Variants in CTNNA2 observed in about 807,000 individuals in gnomAD.
CTNNA2 encodes catenin alpha-2.
In CTNNA2, 42 loss-of-function variants were observed where a neutral mutation model predicts 101.0. The ratio of observed to expected loss-of-function variants is 0.42; its 90% CI spans 0.32 to 0.54. The LOEUF (loss-of-function observed/expected upper bound fraction) is 0.54, where lower values mean the gene tolerates loss of function less well. Among genes scored for constraint, CTNNA2 ranks in the 20% least tolerant of loss-of-function variants. The pLI, the probability that CTNNA2 is intolerant of heterozygous loss-of-function variation, is 0.14. For missense variants in CTNNA2, 871 were observed against 1,223.1 expected, an observed-to-expected ratio of 0.71 and a Z score of 4.29; for synonymous variants, 450 against 456.4, an observed-to-expected ratio of 0.99 and a Z score of 0.18.
At chr2:79,745,155 G>T (rs1344758845) in intron 3 of CTNNA2, among the ~76,000 whole-genome samples, 2 of 152,154 alleles carry the variant, frequency 1.3e-5, no homozygotes, top group Non-Finnish European at 2.9e-5. Context: ...CTACGGCCGG[G>T]TGCGGTGGCT....
intron 7 of CTNNA2, among the ~76,000 whole-genome samples, chr2:80,368,734 G>A (rs187514445): frequency 1.1e-4 from 17 of 150,386 alleles, no homozygotes; most frequent in African/African-American, 3.7e-4. Flanking sequence ...ACTGTTTTTA[G>A]CAGCCTGTTT....
At chr2:79,920,140 C>G (rs1191204892) in intron 7 of CTNNA2, among the ~76,000 whole-genome samples, 1 of 152,086 alleles carries the variant, frequency 6.6e-6, no homozygotes, top group Non-Finnish European at 1.5e-5. Context: ...TTGCTTGAAC[C>G]CAGGAGGCAG....
chr2:80,496,099 C>CAAGAAAGG (rs1318094987), intron 9 of CTNNA2, among the ~76,000 whole-genome samples: 2 of 152,006 alleles, frequency 1.3e-5, no homozygotes, highest in Admixed American at 1.3e-4. Context: ...ACAGAAGAGG[C>CAAGAAAGG]AAGAAAGGAC....
intron 7 of CTNNA2, among the ~76,000 whole-genome samples, chr2:80,324,046 A>G (rs1678990846): frequency 2.0e-5 from 3 of 152,338 alleles, no homozygotes; most frequent in East Asian, 1.9e-4. Flanking sequence ...AAGAGAGAAA[A>G]AAACAAATAA....
At chr2:79,787,720 C>CT (rs979082187) in intron 3 of CTNNA2, among the ~76,000 whole-genome samples, 2 of 151,820 alleles carry the variant, frequency 1.3e-5, no homozygotes, top group Non-Finnish European at 1.5e-5. Context: ...TTCGTGGCCC[C>CT]TTTTTTGCAA....
At chr2:79,338,615 T>TCTTCTTCTC (rs1202526239) in intron 3 of CTNNA2, among the ~76,000 whole-genome samples, 9 of 149,530 alleles carry the variant, frequency 6.0e-5, no homozygotes, top group African/African-American at 2.2e-4. Context: ...TTCTTCTTCT[T>TCTTCTTCTC]CTTCTTCTTC....
chr2:80,559,972 G>A (rs2149670990), intron 12 of CTNNA2, among the ~76,000 whole-genome samples: 1 of 147,520 alleles, frequency 6.8e-6, no homozygotes, highest in African/African-American at 2.5e-5. Flanking sequence ...GCTGACTCAA[G>A]TTTGTGGCCA....
intron 7 of CTNNA2, among the ~76,000 whole-genome samples, chr2:80,293,183 G>C (rs1282745486): frequency 2.0e-5 from 3 of 152,190 alleles, no homozygotes; most frequent in African/African-American, 7.2e-5. Flanking sequence ...TGACAGAATT[G>C]CCTTGGCCAG....
chr2:79,279,183 C>T (rs764273772), intron 2 of CTNNA2, among the ~76,000 whole-genome samples: 7 of 152,008 alleles, frequency 4.6e-5, no homozygotes, highest in Non-Finnish European at 1.0e-4. Context: ...CCAGCCCTTC[C>T]AAGGTACTCA....
intron 3 of CTNNA2, among the ~76,000 whole-genome samples, chr2:79,768,930 C>T (rs1673370255): frequency 1.3e-5 from 2 of 152,268 alleles, no homozygotes; most frequent in African/African-American, 2.4e-5. Context: ...TCTCGGCTCA[C>T]TGCAAGCTCC....
At chr2:79,658,902 T>C (rs1681811750) in intron 2 of CTNNA2, among the ~76,000 whole-genome samples, 1 of 152,122 alleles carries the variant, frequency 6.6e-6, no homozygotes, top group Non-Finnish European at 1.5e-5. Flanking sequence ...TGAACCATTT[T>C]AAATTTTACT....
At chr2:80,182,841 G>T (rs913581941) in intron 7 of CTNNA2, among the ~76,000 whole-genome samples, 3 of 152,116 alleles carry the variant, frequency 2.0e-5, no homozygotes, top group Non-Finnish European at 4.4e-5. Context: ...CTGTGTCAGA[G>T]AAAATGAGAA....
chr2:79,486,792 T>C (rs545003028), intron 4 of CTNNA2, among the ~76,000 whole-genome samples: 1 of 152,334 alleles, frequency 6.6e-6, no homozygotes, highest in South Asian at 2.1e-4. Flanking sequence ...TGGTATCTCA[T>C]TGTGGTTTTG....
chr2:79,919,640 G>A (rs1279062300), intron 7 of CTNNA2, among the ~76,000 whole-genome samples: 1 of 152,150 alleles, frequency 6.6e-6, no homozygotes, highest in East Asian at 1.9e-4. Context: ...AAAATTGTCA[G>A]GGAGAGCAGC....
chr2:79,194,277 A>G (rs1280658427), intron 1 of CTNNA2, among the ~76,000 whole-genome samples: 2 of 152,190 alleles, frequency 1.3e-5, no homozygotes, highest in African/African-American at 4.8e-5. Context: ...AAGAGGTGAC[A>G]TGTGAGTATA....
chr2:79,432,196 T>C (rs1347904399), intron 4 of CTNNA2, among the ~76,000 whole-genome samples: 1 of 152,160 alleles, frequency 6.6e-6, no homozygotes, highest in Non-Finnish European at 1.5e-5. Context: ...CTTATAATAC[T>C]AGGATGGAAC....
intron 2 of CTNNA2, among the ~76,000 whole-genome samples, chr2:79,292,708 T>C (rs1009671511): frequency 1.3e-5 from 2 of 152,178 alleles, no homozygotes; most frequent in African/African-American, 4.8e-5. Flanking sequence ...GTTATGAATT[T>C]GGGATGGAAT....
intron 12 of CTNNA2, among the ~76,000 whole-genome samples, chr2:80,573,898 C>G (rs2149702334): frequency 6.6e-6 from 1 of 152,292 alleles, no homozygotes. Context: ...CACTACACCA[C>G]ACTACTGTGG....
At chr2:79,334,391 A>T (rs151204850) in intron 3 of CTNNA2, among the ~76,000 whole-genome samples, 1 of 152,008 alleles carries the variant, frequency 6.6e-6, no homozygotes, top group Non-Finnish European at 1.5e-5. Flanking sequence ...CTGCCTGTTT[A>T]TTGGATGATG....
Sources: gnomAD v4.1 joint callset for allele counts (sites outside exome capture counted in the v4.1 genomes callset) on GRCh38, gnomAD v4.1.1 for gene constraint, MANE v1.5 for transcripts, NCBI Gene and HGNC (gene_info 2026-07-23, HGNC 2026-07-21) for gene names.